The following GSDME variants were observed in gnomAD, a reference collection of about 807,000 sequenced individuals.
The protein encoded by GSDME is gasdermin-E.
A neutral mutation model predicts 47.5 loss-of-function variants in GSDME; 44 were observed. The observed-to-expected ratio is 0.93, with a 90% CI of 0.73 to 1.19. GSDME has a LOEUF of 1.19. GSDME is among the 50% of genes most tolerant of loss of function. GSDME has a pLI of 0.00. For missense variants in GSDME, 663 were observed against 604.2 expected (o/e 1.10, Z -1.02); for synonymous variants, 258 against 252.8 (o/e 1.02, Z -0.20).
intron 8 of GSDME, chr7:24,703,817 A>G (rs56389614): frequency 0.038 from 5,821 of 152,292 alleles, 154 homozygotes; most frequent in Non-Finnish European, 0.057. Context: ...TGAAGAGAAG[A>G]TCCACAGTTT....
chr7:24,772,327 C>T, the GSDME span, among the ~76,000 whole-genome samples: 2 of 152,338 alleles, frequency 1.3e-5, no homozygotes, highest in East Asian at 3.9e-4. The surrounding 1 kb of genome is among the most constrained non-coding windows in gnomAD (Gnocchi z 4.5). Context: ...CATTCTTTGA[C>T]CCACAGGTTT....
At chr7:24,777,131 C>T in the GSDME span, among the ~76,000 whole-genome samples, 8 of 152,032 alleles carry the variant, frequency 5.3e-5, no homozygotes, top group African/African-American at 1.9e-4. Context: ...TATATGAATT[C>T]GAAAGAAGCT....
At chr7:24,792,790 C>T in the GSDME span, among the ~76,000 whole-genome samples, 5 of 152,014 alleles carry the variant, frequency 3.3e-5, no homozygotes, top group East Asian at 3.9e-4. Flanking sequence ...CCTTCCCAGG[C>T]TGGCTCAAGT....
rs1790958510 is a variant in GSDME at position 24,754,568 on chromosome 7, A to G, written c.-20+2828T>C. The stretch of plus-strand genomic sequence containing the variant: ...AAAGCAGATGAGAACTAAAAAGGCC[A>G]AAGCAAATGCAGTAAGGATATCCTA... On this transcript the variant is annotated intron_variant, in intron 1 of 9. Coordinates refer to ENST00000645220, the MANE Select transcript of GSDME (RefSeq NM_001127453.2). The surrounding 1 kb of genome is among the most constrained non-coding windows in gnomAD (Gnocchi z 5.0). 6.6e-6 allele frequency among the ~76,000 whole-genome samples: 1 copy of G among 152,204 alleles called. No homozygotes were observed. Among genetic ancestry groups the G allele is most frequent in the East Asian group, 1.9e-4 (1 of 5,196 alleles).
In GSDME at chr7:24,756,107, C is replaced by T. The variant is rs1160696813; in HGVS notation, c.-20+1289G>A. On this transcript the variant is annotated intron_variant, in intron 1 of 9. Transcript: ENST00000645220. The surrounding 1 kb of genome is among the most constrained non-coding windows in gnomAD (Gnocchi z 4.2). ...TCTAAAATAAAAATCGGTATGTGAACGCAATGATGGTCATAAGACAGGCAG... is the reference window on the plus strand; with the variant it reads ...TCTAAAATAAAAATCGGTATGTGAATGCAATGATGGTCATAAGACAGGCAG... 2.0e-5 allele frequency among the ~76,000 whole-genome samples: 3 copies of T among 152,238 alleles called. No individual in the cohort carries two copies. The highest frequency in any genetic ancestry group is 4.8e-5 in the African/African-American group (2 of 41,552).
Position 24,748,166 on chromosome 7 carries a change from A to AT in GSDME, c.211+1397dup, listed in dbSNP as rs1359637602. On this transcript the variant is annotated intron_variant, in intron 2 of 9. Coordinates refer to ENST00000645220, the MANE Select transcript of GSDME (RefSeq NM_001127453.2). ...AGAGTATATATATATATATATATAT[A>AT]TATTTTTTTTTGAGATGGAATCTCA... 4.5e-3 allele frequency among the ~76,000 whole-genome samples: 438 copies of AT among 97,714 alleles called. 3 individuals are homozygous for AT. Among genetic ancestry groups the AT allele is most frequent in the African/African-American group, 0.011 (369 of 32,966 alleles). 64.1% of individuals were successfully genotyped at this position (97,714 alleles called of 152,430 possible).
At chr7:24,749,912 C>T in intron 1 of GSDME, 119 bp from the exon 2 acceptor site, 2 of 668,484 alleles carry the variant, frequency 3.0e-6, no homozygotes, top group Non-Finnish European at 5.1e-6. Context: ...TATCTTCTTC[C>T]TAGAAGACCC....
intron 1 of GSDME, among the ~76,000 whole-genome samples, chr7:24,755,344 G>C (rs547182236): frequency 6.6e-6 from 1 of 152,132 alleles, no homozygotes. Flanking sequence ...AGTGACTGCT[G>C]CTTCCTGACC....
intron 1 of GSDME, among the ~76,000 whole-genome samples, chr7:24,751,086 C>A (rs964810202): frequency 6.6e-6 from 1 of 151,996 alleles, no homozygotes; most frequent in African/African-American, 2.4e-5. Flanking sequence ...AGACAAAGGG[C>A]AAACTGAGAA....
At position 24,744,789 on chromosome 7, in the gene GSDME, A is replaced by G. The variant is rs1404481128; in HGVS notation, c.212-35T>C. On this transcript the variant is annotated intron_variant, in intron 2 of 9. Coordinates refer to ENST00000645220, the MANE Select transcript of GSDME (RefSeq NM_001127453.2). This position sits in a 1 kb window ranked among gnomAD's most constrained non-coding sequence, Gnocchi z 4.5. ...AGGAGACGAGCAGAGGAAGCCGATGATGATAAGGCCACCAAGATGTCTTGG... is the reference window on the plus strand; with the variant it reads ...AGGAGACGAGCAGAGGAAGCCGATGGTGATAAGGCCACCAAGATGTCTTGG... 6.2e-7 allele frequency: 1 copy of G among 1,609,788 alleles called. No homozygotes were observed.
At chr7:24,760,081 G>A (rs1453707560), upstream of GSDME, among the ~76,000 whole-genome samples, 1 of 152,176 alleles carries the variant, frequency 6.6e-6, no homozygotes, top group Non-Finnish European at 1.5e-5. This position sits in a 1 kb window ranked among gnomAD's most constrained non-coding sequence, Gnocchi z 4.2. Context: ...GAGATCAATT[G>A]GAGTGGTCCT....
At chr7:24,765,570 C>G in the GSDME span, among the ~76,000 whole-genome samples, 19,310 of 152,186 alleles carry the variant, frequency 0.13, 1,342 homozygotes, top group East Asian at 0.2. Flanking sequence ...GTACGTCACT[C>G]CCCTTTTCTG....
intron 1 of GSDME, among the ~76,000 whole-genome samples, chr7:24,752,906 G>T (rs1007638643): frequency 2.1e-4 from 32 of 152,068 alleles, no homozygotes; most frequent in Non-Finnish European, 3.8e-4. Context: ...ATCTGCTGTG[G>T]GTGGGAAAAC....
chr7:24,791,864 T>G, the GSDME span, among the ~76,000 whole-genome samples: 202 of 152,346 alleles, frequency 1.3e-3, no homozygotes, highest in Non-Finnish European at 1.2e-3. The surrounding 1 kb of genome is among the most constrained non-coding windows in gnomAD (Gnocchi z 4.8). Flanking sequence ...ATGCTAAGTT[T>G]CCTTGCTGTC....
At chr7:24,794,654 C>T in the GSDME span, among the ~76,000 whole-genome samples, 4 of 152,308 alleles carry the variant, frequency 2.6e-5, no homozygotes, top group East Asian at 7.7e-4. Flanking sequence ...CACACAGAGC[C>T]TTAAACTTTC....
rs1372156234 is a variant in GSDME at position 24,742,398 on chromosome 7, G to A, written c.404+2164C>T. 6.6e-6 allele frequency among the ~76,000 whole-genome samples: 1 copy of A among 152,144 alleles called. No homozygotes were observed. Among genetic ancestry groups the A allele is most frequent in the Admixed American group, 6.5e-5 (1 of 15,276 alleles). ...GTGTAAAAGGAGATGGCTGTGCAGA[G>A]TTAAGGAGAGGCTACATATAAAGTG... On this transcript the variant is annotated intron_variant, in intron 3 of 9. Coordinates refer to ENST00000645220, the MANE Select transcript of GSDME (RefSeq NM_001127453.2). The surrounding 1 kb of genome is among the most constrained non-coding windows in gnomAD (Gnocchi z 4.4).
the GSDME span, among the ~76,000 whole-genome samples, chr7:24,774,072 T>C: frequency 6.6e-6 from 1 of 152,160 alleles, no homozygotes; most frequent in Non-Finnish European, 1.5e-5. Context: ...CCTGTATCAG[T>C]ACAGTCTGAG....
intron 1 of GSDME, among the ~76,000 whole-genome samples, chr7:24,752,593 G>C (rs1036857285): frequency 6.6e-6 from 1 of 152,192 alleles, no homozygotes; most frequent in East Asian, 1.9e-4. Flanking sequence ...CCAGGTGCAG[G>C]CTGGGAGATG....
At chr7:24,760,005 C>A (rs1791143344), upstream of GSDME, among the ~76,000 whole-genome samples, 1 of 152,222 alleles carries the variant, frequency 6.6e-6, no homozygotes, top group South Asian at 2.1e-4. This position sits in a 1 kb window ranked among gnomAD's most constrained non-coding sequence, Gnocchi z 4.2. Context: ...GAACTCCAAT[C>A]TTCTTATTCC....
Sources: gnomAD v4.1 joint callset for allele counts (sites outside exome capture counted in the v4.1 genomes callset) on GRCh38, gnomAD v4.1.1 for gene constraint, Gnocchi (gnomAD v3.1) non-coding constraint, MANE v1.5 for transcripts, NCBI Gene and HGNC (gene_info 2026-07-23, HGNC 2026-07-21) for gene names.